Variants in TEN1 observed in about 807,000 individuals in gnomAD.
TEN1 encodes the protein TEN1 subunit of CST complex.
In TEN1, 6 loss-of-function variants were observed where a neutral mutation model predicts 9.3. The observed-to-expected ratio is 0.65, with a 90% CI of 0.35 to 1.27. The LOEUF (loss-of-function observed/expected upper bound fraction) is 1.27. Ranked by LOEUF, TEN1 falls within the 50% of genes most tolerant of loss-of-function variation. TEN1 has a pLI of 0.03. For synonymous variants in TEN1, 65 were observed against 65.6 expected, an observed-to-expected ratio of 0.99 and a Z score of 0.04; for missense variants, 149 against 158.2, an observed-to-expected ratio of 0.94 and a Z score of 0.31.
Position 75,991,479 on chromosome 17 carries a change from G to T in TEN1, c.106G>T (p.Asp36Tyr). ...TCTGCCTTCCAGGTTGTGCCTCTAT[G>T]ACATGATTCAGTCCAGAGTAACACT... ...LRTFGRLCLY[D>Y]MIQSRVTLMA... Residue 36 changes from aspartate to tyrosine, a missense_variant, in exon 3 of 4, where the codon GAC (aspartate) becomes TAC (tyrosine). Transcript: ENST00000397640. 1 of 1,552,252 alleles carries T rather than the reference G, an allele frequency of 6.4e-7. No homozygotes were observed.
Position 76,000,472 on chromosome 17 carries a change from C to A in TEN1, c.*210C>A. 2 of 749,222 alleles carry A rather than the reference C, an allele frequency of 2.7e-6. No individual in the cohort carries two copies. The highest frequency in any genetic ancestry group is 4.1e-6 in the Non-Finnish European group (2 of 491,076). 46.4% of individuals were successfully genotyped at this position (749,222 alleles called of 1,614,324 possible). Reference sequence around the variant, plus strand: ...AAGCATGCCATAAATCCGACAGCCCCACCCCAGGAGACTGCAGGTGGCCGA... The same window carrying A: ...AAGCATGCCATAAATCCGACAGCCCAACCCCAGGAGACTGCAGGTGGCCGA... On this transcript the variant is annotated 3_prime_UTR_variant, in exon 4 of 4. Coordinates refer to ENST00000397640, the MANE Select transcript of TEN1 (RefSeq NM_001113324.3). The surrounding 1 kb of genome is among the most constrained non-coding windows in gnomAD (Gnocchi z 5.9).
chr17:75,988,582 A>AAAAAAAAAAAG (rs1567896637), intron 2 of TEN1, among the ~76,000 whole-genome samples: 1 of 140,224 alleles, frequency 7.1e-6, no homozygotes, highest in African/African-American at 3.0e-5. Context: ...AAAAAAAAAA[A>AAAAAAAAAAAG]AAAAAGAAAA....
chr17:75,987,913 T>G (rs1293240490), intron 2 of TEN1, among the ~76,000 whole-genome samples: 2 of 48,258 alleles, frequency 4.1e-5, no homozygotes, highest in Admixed American at 5.6e-4. Flanking sequence ...TGAGACTCCA[T>G]CTCAAAAAAA....
chr17:75,986,045 A>AT (rs970953245), intron 1 of TEN1, 142 bp from the exon 2 acceptor site: 755 of 579,598 alleles, frequency 1.3e-3, no homozygotes, highest in East Asian at 1.5e-3. Context: ...CCCCCAAAAA[A>AT]TTTTTTTTTT....
chr17:75,988,058 G>A (rs1170004222), intron 2 of TEN1, among the ~76,000 whole-genome samples: 1 of 151,576 alleles, frequency 6.6e-6, no homozygotes, highest in Non-Finnish European at 1.5e-5. Context: ...TGGCCAACAT[G>A]GTGAAACCCC....
intron 2 of TEN1, among the ~76,000 whole-genome samples, chr17:75,987,999 G>A (rs1424376804): frequency 6.6e-6 from 1 of 151,262 alleles, no homozygotes; most frequent in African/African-American, 2.4e-5. Context: ...CAACACTTTG[G>A]GAAGCCTAAG....
At chr17:75,983,811 A>T (rs2066136735) in intron 1 of TEN1, among the ~76,000 whole-genome samples, 1 of 151,946 alleles carries the variant, frequency 6.6e-6, no homozygotes, top group Non-Finnish European at 1.5e-5. Flanking sequence ...AGGCTGAGTC[A>T]CCTCTGAGGG....
At position 75,979,290 on chromosome 17, in the gene TEN1, T is replaced by A; in HGVS notation, c.-228T>A. On this transcript the variant is annotated 5_prime_UTR_variant, in exon 1 of 4. Transcript: ENST00000397640. ...CCAGACAGAGGGGGCGATGTCCGCG[T>A]CGTGGCTGGGGCCGGTCGCGGGGCA... The A allele has an allele frequency of 1.5e-6, 1 of 670,470 alleles. No individual in the cohort carries two copies. Among genetic ancestry groups the A allele is most frequent in the Non-Finnish European group, 2.6e-6 (1 of 388,588 alleles). 41.5% of individuals were successfully genotyped at this position (670,470 alleles called of 1,614,324 possible). A position where few individuals can be genotyped will look rare whatever the true frequency, so the allele number is the denominator to read the frequency against.
chr17:75,990,441 T>G (rs2066177888), intron 2 of TEN1, among the ~76,000 whole-genome samples: 1 of 151,874 alleles, frequency 6.6e-6, no homozygotes, highest in Non-Finnish European at 1.5e-5. Context: ...AAGCTAAGAC[T>G]GAAATGTCTC....
intron 3 of TEN1, among the ~76,000 whole-genome samples, chr17:75,996,349 G>T (rs917634627): frequency 6.6e-6 from 1 of 152,130 alleles, no homozygotes. Context: ...GCTGAGCGTG[G>T]TGGCACATGC....
Position 76,000,054 on chromosome 17 carries a change from T to C in TEN1, c.251-87T>C. 2 of 1,502,524 alleles carry C rather than the reference T, an allele frequency of 1.3e-6. No individual in the cohort carries two copies. Among genetic ancestry groups the C allele is most frequent in the Non-Finnish European group, 1.8e-6 (2 of 1,118,436 alleles). The allele number at this position is 1,502,524 out of a possible 1,614,324, so 93.1% of individuals were successfully genotyped here. A position where few individuals can be genotyped will look rare whatever the true frequency, so the allele number is the denominator to read the frequency against. ...TTGCTGCCAAAACCCAGGACTGAGC[T>C]GTGGAGGGAACAGCTGGAATGCACC... On this transcript the variant is annotated intron_variant, in intron 3 of 3. Coordinates refer to ENST00000397640, the MANE Select transcript of TEN1 (RefSeq NM_001113324.3). The surrounding 1 kb of genome is among the most constrained non-coding windows in gnomAD (Gnocchi z 5.9).
At chr17:75,992,935 G>A (rs1272192197) in intron 3 of TEN1, among the ~76,000 whole-genome samples, 2 of 149,416 alleles carry the variant, frequency 1.3e-5, no homozygotes, top group Non-Finnish European at 3.0e-5. Context: ...GAGTAGCCCT[G>A]CCTGCTTCTG....
chr17:75,994,188 A>G (rs1415360957), intron 3 of TEN1, among the ~76,000 whole-genome samples: 1 of 151,874 alleles, frequency 6.6e-6, no homozygotes, highest in East Asian at 2.0e-4. Context: ...TAATCCTAGC[A>G]CTTTGGGAGG....
chr17:75,988,561 C>CAAAAAAAA (rs1189354019), intron 2 of TEN1, among the ~76,000 whole-genome samples: 11 of 28,950 alleles, frequency 3.8e-4, no homozygotes, highest in South Asian at 1.4e-3. Context: ...GATCCTGCCT[C>CAAAAAAAA]AAAAAAAAAA....
chr17:75,996,719 AAAAAG>A (rs1341846655), intron 3 of TEN1, among the ~76,000 whole-genome samples: 3 of 142,612 alleles, frequency 2.1e-5, no homozygotes, highest in South Asian at 4.2e-4. Context: ...AAAAAAAAAA[AAAAAG>A]AGAGAGAGAA....
At chr17:75,986,860 C>T (rs908169843) in intron 2 of TEN1, among the ~76,000 whole-genome samples, 3 of 152,032 alleles carry the variant, frequency 2.0e-5, no homozygotes, top group Non-Finnish European at 2.9e-5. Flanking sequence ...TGATTATCCT[C>T]GTGCTTTTCC....
intron 2 of TEN1, among the ~76,000 whole-genome samples, chr17:75,987,788 G>A (rs8078158): frequency 0.052 from 7,924 of 151,662 alleles, 666 homozygotes; most frequent in African/African-American, 0.18. Flanking sequence ...TTGGTGGTGG[G>A]TGCCTATAAT....
At chr17:75,980,350 A>G in intron 1 of TEN1, among the ~76,000 whole-genome samples, 1 of 152,174 alleles carries the variant, frequency 6.6e-6, no homozygotes, top group East Asian at 1.9e-4. Context: ...ACAGAAAAAA[A>G]ACAAAAAACA....
At chr17:75,981,188 CTTTT>C (rs10560639) in intron 1 of TEN1, among the ~76,000 whole-genome samples, 61 of 147,024 alleles carry the variant, frequency 4.1e-4, no homozygotes, top group African/African-American at 1.4e-3. Flanking sequence ...GACTTTAACG[CTTTT>C]TTTTTTTCTT....
Sources: gnomAD v4.1 joint callset for allele counts (sites outside exome capture counted in the v4.1 genomes callset) on GRCh38, gnomAD v4.1.1 for gene constraint, Gnocchi (gnomAD v3.1) non-coding constraint, MANE v1.5 for transcripts, NCBI Gene and HGNC (gene_info 2026-07-23, HGNC 2026-07-21) for gene names.